The following CDIPT variants were observed in gnomAD, a reference collection of about 807,000 sequenced individuals.
CDIPT encodes the protein CDP-diacylglycerol--inositol 3-phosphatidyltransferase, also known as PI synthase.
Under a neutral mutation model 21.6 loss-of-function variants are expected in CDIPT, and 17 were observed. The observed-to-expected ratio is 0.79, with a 90% CI of 0.54 to 1.18. CDIPT has a LOEUF of 1.18. Ranked by LOEUF, CDIPT falls within the 50% of genes most tolerant of loss-of-function variation. CDIPT has a pLI of 0.00. For missense variants in CDIPT, 254 were observed against 284.9 expected, an observed-to-expected ratio of 0.89 and a Z score of 0.78; for synonymous variants, 119 against 117.9, an observed-to-expected ratio of 1.01 and a Z score of -0.06.
rs888236840 is a variant in CDIPT, at chr16:29,861,428, G to A, written c.179-169C>T. 5 of 1,540,508 alleles carry A rather than the reference G, an allele frequency of 3.2e-6. No homozygotes were observed. The African/African-American group carries it at 5.5e-5, about 17-fold the overall frequency. On this transcript the variant is annotated intron_variant, in intron 2 of 5. Coordinates refer to ENST00000219789, the MANE Select transcript of CDIPT (RefSeq NM_006319.5). ...GCTGTGTGTGAGGTCAGTGGGCAAA[G>A]GTCACCATGGCATGAACTGAGAAAG...
Position 29,861,086 on chromosome 16 carries a change from C to T in CDIPT, c.332+20G>A, listed in dbSNP as rs762408824. 5.0e-6 allele frequency: 8 copies of T among 1,613,138 alleles called. No homozygotes were observed. The East Asian group carries it at 1.8e-4, about 36-fold the overall frequency. ...CTGTAATGTCTCCAAGTGGCCCAGGCCCCCAGAATCGCAGCAGACCTGTGG... is the reference window on the plus strand; with the variant it reads ...CTGTAATGTCTCCAAGTGGCCCAGGTCCCCAGAATCGCAGCAGACCTGTGG... On this transcript the variant is annotated intron_variant, in intron 3 of 5. Transcript: ENST00000219789.
intron 2 of CDIPT, 63 bp from the exon 3 acceptor site, chr16:29,861,322 T>A: frequency 2.5e-6 from 4 of 1,603,124 alleles, no homozygotes; most frequent in Non-Finnish European, 3.4e-6. Context: ...TGCCCATATT[T>A]GGTTTATCAC....
In CDIPT at chr16:29,859,987, A is replaced by G. The variant is rs1018051586; in HGVS notation, c.415-464T>C. The stretch of plus-strand genomic sequence containing the variant: ...GCCACTGAACTCCAGCCTGGGTGAC[A>G]GAGCAGGACTCTGTCTCAAAAAAAT... On this transcript the variant is annotated intron_variant, in intron 4 of 5. Coordinates refer to ENST00000219789, the MANE Select transcript of CDIPT (RefSeq NM_006319.5). The surrounding 1 kb of genome is among the most constrained non-coding windows in gnomAD (Gnocchi z 4.5). 2.6e-5 allele frequency among the ~76,000 whole-genome samples: 4 copies of G among 152,128 alleles called. No homozygotes were observed. The highest frequency in any genetic ancestry group is 4.8e-5 in the African/African-American group (2 of 41,418).
Position 29,859,332 on chromosome 16 carries a change from C to A in CDIPT, c.499G>T (p.Gly167Cys), listed in dbSNP as rs1338490212. 1 of 1,565,160 alleles carries A rather than the reference C, an allele frequency of 6.4e-7. No individual in the cohort carries two copies. ...LFHFSEGPLV[G>C]SVGLFRMGLW... ...CCCATCCGGAACAGTCCCACAGAGCCAACTGCAGGAAGGCAGCAGGGGAGT... is the reference window on the plus strand; with the variant it reads ...CCCATCCGGAACAGTCCCACAGAGCAAACTGCAGGAAGGCAGCAGGGGAGT... Residue 167 changes from glycine to cysteine, a missense_variant and splice_region_variant, in exon 6 of 6, where the codon GGC (glycine) becomes TGC (cysteine). By Grantham distance (159) the Gly-to-Cys change is radical. Coordinates refer to ENST00000219789, the MANE Select transcript of CDIPT (RefSeq NM_006319.5). The surrounding 1 kb of genome is among the most constrained non-coding windows in gnomAD (Gnocchi z 4.5).
At chr16:29,860,767 G>A in intron 3 of CDIPT, 105 bp from the exon 4 acceptor site, 7 of 731,138 alleles carry the variant, frequency 9.6e-6, no homozygotes, top group Middle Eastern at 2.3e-4. Flanking sequence ...GCACGGCTAA[G>A]GACCAGTATC....
At chr16:29,861,056 C>A (rs748869071) in intron 3 of CDIPT, 50 bp downstream of exon 3, 1 of 1,594,102 alleles carries the variant, frequency 6.3e-7, no homozygotes, top group Non-Finnish European at 8.6e-7. Flanking sequence ...GCTCAGCCCA[C>A]CCCACTGTAA....
At chr16:29,861,770 G>A in intron 2 of CDIPT, 1 of 418,902 alleles carries the variant, frequency 2.4e-6, no homozygotes, top group East Asian at 4.4e-5. Context: ...GTCTTGCTCT[G>A]TCGCCCAGGC....
chr16:29,860,653 G>A lies in CDIPT; in HGVS notation c.342C>T (p.Val114=). 1 of 1,610,154 alleles carries A rather than the reference G, an allele frequency of 6.2e-7. No individual in the cohort carries two copies. The highest frequency in any genetic ancestry group is 1.7e-5 in the Admixed American group (1 of 59,830). ...TCATCTTGTGACTCTCACTGCCTCG[G>A]ACCACAGAACTTGGGGAGAAAACAG... ...SHWLHLHSSV[V]RGSESHKMID... Residue 114 remains valine (V), a synonymous_variant, in exon 4 of 6, where the codon GTC becomes GTT. Coordinates refer to ENST00000219789, the MANE Select transcript of CDIPT (RefSeq NM_006319.5).
Position 29,861,191 on chromosome 16 carries a change from G to C in CDIPT, c.247C>G (p.Leu83Val). 2 of 1,614,200 alleles carry C rather than the reference G, an allele frequency of 1.2e-6. No individual in the cohort carries two copies. Among genetic ancestry groups the C allele is most frequent in the Non-Finnish European group, 1.7e-6 (2 of 1,180,014 alleles). The change falls in exon 3 of 6, where the codon CTG (leucine) becomes GTG (valine). Residue 83 changes from leucine (L) to valine (V), a missense_variant. Leu to Val is a conservative substitution (Grantham distance 32). Coordinates refer to ENST00000219789, the MANE Select transcript of CDIPT (RefSeq NM_006319.5). ...RCSTMCLLVN[L>V]ALLYPGATLF... is the part of the protein sequence containing the mutation. The stretch of plus-strand genomic sequence containing the variant: ...GTGGCTCCAGGGTACAGCAGGGCCA[G>C]GTTGACCAACAGGCACATGGTGGAG...
intron 2 of CDIPT, 194 bp from the exon 3 acceptor site, chr16:29,861,453 G>A (rs1228260724): frequency 2.0e-6 from 3 of 1,537,548 alleles, no homozygotes; most frequent in African/African-American, 2.7e-5. Context: ...AACTGAGAAA[G>A]GCATGAGAGT....
In CDIPT at chr16:29,859,207, G is replaced by T. The variant is rs1351156909; in HGVS notation, c.624C>A (p.Asp208Glu). 1 of 1,596,806 alleles carries T rather than the reference G, an allele frequency of 6.3e-7. No homozygotes were observed. Among genetic ancestry groups the T allele is most frequent in the Admixed American group, 1.8e-5 (1 of 56,832 alleles). ...TCCAGCGTCACTTCTTCTTGGCGCG[G>T]TCTGCTGCGTCCAGGGCAGCCATGT... ...ARNMAALDAA[D>E]RAKKK Residue 208 changes from aspartate to glutamate, a missense_variant, in exon 6 of 6, where the codon GAC becomes GAA. Asp to Glu is a conservative substitution (Grantham distance 45). Coordinates refer to ENST00000219789, the MANE Select transcript of CDIPT (RefSeq NM_006319.5). The surrounding 1 kb of genome is among the most constrained non-coding windows in gnomAD (Gnocchi z 4.5).
chr16:29,859,214 G>A lies in CDIPT; in HGVS notation c.617C>T (p.Ala206Val), dbSNP rs369952015. The A allele has an allele frequency of 1.4e-5, 23 of 1,597,340 alleles. No individual in the cohort carries two copies. The highest frequency in any genetic ancestry group is 1.8e-5 in the Non-Finnish European group (21 of 1,173,106). The change falls in exon 6 of 6, where the codon GCA (alanine) becomes GTA (valine). Residue 206 changes from alanine (A) to valine (V), a missense_variant. Physicochemically the swap from Ala to Val is moderately conservative, Grantham distance 64. Transcript: ENST00000219789. This position sits in a 1 kb window ranked among gnomAD's most constrained non-coding sequence, Gnocchi z 4.5. ...TAARNMAALD[A>V]ADRAKKK is the part of the protein sequence containing the mutation. ...TCACTTCTTCTTGGCGCGGTCTGCT[G>A]CGTCCAGGGCAGCCATGTTGCGGGC...
rs760289643 is a variant in CDIPT at position 29,862,830 on chromosome 16, C to T, written c.28G>A (p.Val10Met). ...CAGCACTCACCGATGAGGTTGGGCA[C>T]GAACAGGAAGATATTTTCGTCTGGC... is the stretch of plus-strand genomic sequence containing the variant. MPDENIFLF[V>M]PNLIGYARIV... The change falls in exon 1 of 6, where the codon GTG (valine) becomes ATG (methionine). Residue 10 changes from valine (V) to methionine (M), a missense_variant. By Grantham distance (21) the Val-to-Met change is conservative. Transcript: ENST00000219789. The surrounding 1 kb of genome is among the most constrained non-coding windows in gnomAD (Gnocchi z 6.7). 9 of 1,614,026 alleles carry T rather than the reference C, an allele frequency of 5.6e-6. No homozygotes were observed. The highest frequency in any genetic ancestry group is 7.6e-6 in the Non-Finnish European group (9 of 1,180,000).
chr16:29,859,471 T>C lies in CDIPT; in HGVS notation c.467A>G (p.Tyr156Cys), dbSNP rs2067661974. Reference protein sequence around the residue: ...AGNELFYCLLYLFHFSEGPLV... With the variant: ...AGNELFYCLLCLFHFSEGPLV... ...AGGTCCCTCAGAGAAATGGAACAGG[T>C]AGAGGAGGCAGTAGAAGAGCTCATT... Residue 156 changes from tyrosine (Y) to cysteine (C), a missense_variant, in exon 5 of 6, where the codon TAC (tyrosine) becomes TGC (cysteine). Physicochemically the swap from Tyr to Cys is radical, Grantham distance 194. Transcript: ENST00000219789. This position sits in a 1 kb window ranked among gnomAD's most constrained non-coding sequence, Gnocchi z 4.5. The C allele has an allele frequency of 1.2e-6, 2 of 1,613,164 alleles. No homozygotes were observed. The highest frequency in any genetic ancestry group is 1.7e-6 in the Non-Finnish European group (2 of 1,179,458).
chr16:29,861,760 G>A, intron 2 of CDIPT: 3 of 448,200 alleles, frequency 6.7e-6, no homozygotes, highest in South Asian at 5.0e-5. Context: ...CCGAGACAGA[G>A]TCTTGCTCTG....
chr16:29,861,123 G>GTGAC lies in CDIPT; in HGVS notation c.311_314dup (p.His105GlnfsTer15). On this transcript the variant is annotated frameshift_variant, in exon 3 of 6. Coordinates refer to ENST00000219789, the MANE Select transcript of CDIPT (RefSeq NM_006319.5). LOFTEE classifies it high-confidence loss of function. ...CAGCAGACCTGTGGAGGTGCAGCCA[G>GTGAC]TGACTGGCCACATCCAAACTCATGC... The GTGAC allele has an allele frequency of 6.2e-7, 1 of 1,614,208 alleles. No individual in the cohort carries two copies. Among genetic ancestry groups the GTGAC allele is most frequent in the Non-Finnish European group, 8.5e-7 (1 of 1,180,036 alleles).
Position 29,859,001 on chromosome 16 carries a change from T to G in CDIPT, c.*188A>C. On this transcript the variant is annotated 3_prime_UTR_variant, in exon 6 of 6. Coordinates refer to ENST00000219789, the MANE Select transcript of CDIPT (RefSeq NM_006319.5). The surrounding 1 kb of genome is among the most constrained non-coding windows in gnomAD (Gnocchi z 4.5). ...GGGGCCTCCCGCGTATCCTCCCTGATTTGAGGCCCGGGTCCTCAGGATCCC... is the reference window on the plus strand; with the variant it reads ...GGGGCCTCCCGCGTATCCTCCCTGAGTTGAGGCCCGGGTCCTCAGGATCCC... 3 of 645,106 alleles carry G rather than the reference T, an allele frequency of 4.7e-6. No individual in the cohort carries two copies. Among genetic ancestry groups the G allele is most frequent in the Non-Finnish European group, 5.2e-6 (2 of 384,032 alleles). 40.0% of individuals were successfully genotyped at this position (645,106 alleles called of 1,614,324 possible).
Position 29,859,363 on chromosome 16 carries a change from G to A in CDIPT, c.497-29C>T, listed in dbSNP as rs145126562. On this transcript the variant is annotated intron_variant, in intron 5 of 5. Transcript: ENST00000219789. The surrounding 1 kb of genome is among the most constrained non-coding windows in gnomAD (Gnocchi z 4.5). The stretch of plus-strand genomic sequence containing the variant: ...CAGGAAGGCAGCAGGGGAGTTTGGG[G>A]CCCGAAGGAGGGGGCCTCCATCTCC... The A allele has an allele frequency of 5.7e-6, 9 of 1,571,802 alleles. No individual in the cohort carries two copies. The South Asian group carries it at 5.8e-5, about 10-fold the overall frequency.
In CDIPT at chr16:29,860,620, C is replaced by A. The variant is rs199927687; in HGVS notation, c.375G>T (p.Leu125Phe). Reference protein sequence around the residue: ...RGSESHKMIDLSGNPVLRIYY... With the variant: ...RGSESHKMIDFSGNPVLRIYY... The stretch of plus-strand genomic sequence containing the variant: ...AGATCCGAAGCACCGGATTCCCGGA[C>A]AAGTCGATCATCTTGTGACTCTCAC... Residue 125 changes from leucine to phenylalanine, a missense_variant, in exon 4 of 6, where the codon TTG becomes TTT. By Grantham distance (22) the Leu-to-Phe change is conservative (BLOSUM62 0). Coordinates refer to ENST00000219789, the MANE Select transcript of CDIPT (RefSeq NM_006319.5). The A allele has an allele frequency of 6.2e-7, 1 of 1,613,278 alleles. No homozygotes were observed. The highest frequency in any genetic ancestry group is 8.5e-7 in the Non-Finnish European group (1 of 1,179,390).
Sources: gnomAD v4.1 joint callset for allele counts (sites outside exome capture counted in the v4.1 genomes callset) on GRCh38, gnomAD v4.1.1 for gene constraint, Gnocchi (gnomAD v3.1) non-coding constraint, MANE v1.5 for transcripts, NCBI Gene and HGNC (gene_info 2026-07-23, HGNC 2026-07-21) for gene names.